Variants in ZNF418 observed in about 807,000 individuals in gnomAD.
ZNF418 encodes zinc finger protein 418.
A neutral mutation model predicts 32.0 loss-of-function variants in ZNF418; 32 were observed. That is an observed-to-expected ratio of 1.00 (90% CI 0.75 to 1.34). The LOEUF (loss-of-function observed/expected upper bound fraction) is 1.34, where lower values mean the gene tolerates loss of function less well. Among genes scored for constraint, ZNF418 ranks in the 40% most tolerant of loss-of-function variants. ZNF418 has a pLI of 0.00. For missense variants in ZNF418, 804 were observed against 812.5 expected (o/e 0.99, Z 0.13); for synonymous variants, 276 against 270.7 (o/e 1.02, Z -0.19).
At position 57,935,384 on chromosome 19, in the gene ZNF418, A is replaced by G. The variant is rs539283349; in HGVS notation, c.-304T>C. 1.2e-4 allele frequency: 29 copies of G among 249,430 alleles called. No homozygotes were observed. In the East Asian group the frequency reaches 3.9e-3, roughly 33 times the overall value. The allele number at this position is 249,430 out of a possible 1,614,324, so 15.5% of individuals were successfully genotyped here. A position where few individuals can be genotyped will look rare whatever the true frequency, so the allele number is the denominator to read the frequency against. On this transcript the variant is annotated 5_prime_UTR_variant, in exon 1 of 6. Coordinates refer to ENST00000396147, the MANE Select transcript of ZNF418 (RefSeq NM_133460.3). ...AACATTAACCAAAATGGTCGCTACC[A>G]GAGAACGCTGAGAATCCCGCCACTA...
At chr19:57,930,261 A>C (rs1451072592) in intron 3 of ZNF418, among the ~76,000 whole-genome samples, 167 bp downstream of exon 3, 1 of 152,156 alleles carries the variant, frequency 6.6e-6, no homozygotes, top group Non-Finnish European at 1.5e-5. Context: ...CAAGGAGAAA[A>C]GGCAGTACAC....
chr19:57,933,993 G>A, intron 1 of ZNF418, 91 bp from the exon 2 acceptor site: 1 of 1,556,792 alleles, frequency 6.4e-7, no homozygotes, highest in East Asian at 2.3e-5. Flanking sequence ...TCATGACCTG[G>A]TACCAACTCT....
chr19:57,929,616 G>C (rs760560205), intron 3 of ZNF418, among the ~76,000 whole-genome samples: 7 of 152,114 alleles, frequency 4.6e-5, no homozygotes, highest in Non-Finnish European at 1.0e-4. Context: ...TGTGCTGGTA[G>C]TTTTCAGCAA....
At chr19:57,934,012 C>T (rs1354241145) in intron 1 of ZNF418, 110 bp from the exon 2 acceptor site, 2 of 1,510,478 alleles carry the variant, frequency 1.3e-6, no homozygotes, top group Non-Finnish European at 1.8e-6. Flanking sequence ...CTGTAGTTAA[C>T]CTTCAAAGTA....
chr19:57,933,299 AC>A (rs1462384437), intron 2 of ZNF418, among the ~76,000 whole-genome samples: 1 of 152,082 alleles, frequency 6.6e-6, no homozygotes, highest in Non-Finnish European at 1.5e-5. Flanking sequence ...CTAGTTACCG[AC>A]CGGGCTTGGT....
At chr19:57,934,114 A>C in intron 1 of ZNF418, 1 of 1,363,390 alleles carries the variant, frequency 7.3e-7, no homozygotes, top group Non-Finnish European at 9.5e-7. Flanking sequence ...CAGTGTTCTC[A>C]GATCAAAGGA....
At chr19:57,923,565 CATAT>C (rs796798738) in intron 4 of ZNF418, among the ~76,000 whole-genome samples, 2 of 123,222 alleles carry the variant, frequency 1.6e-5, no homozygotes, top group African/African-American at 5.7e-5. Context: ...CACACACACA[CATAT>C]ATACACATAT....
rs1398306709 is a variant in ZNF418 at position 57,930,566 on chromosome 19, G to A, written c.7-12C>T. 2 of 1,613,766 alleles carry A rather than the reference G, an allele frequency of 1.2e-6. No homozygotes were observed. Among genetic ancestry groups the A allele is most frequent in the South Asian group, 2.2e-5 (2 of 91,060 alleles). ...AATGCCACAGTGCCCTGCTATGATG[G>A]TGACAGATGAAACCACAAACAGCTC... On this transcript the variant is annotated splice_polypyrimidine_tract_variant and intron_variant, in intron 2 of 5. Coordinates refer to ENST00000396147, the MANE Select transcript of ZNF418 (RefSeq NM_133460.3).
chr19:57,932,706 A>C, intron 2 of ZNF418: 2 of 1,228,750 alleles, frequency 1.6e-6, no homozygotes, highest in East Asian at 3.0e-5. Flanking sequence ...TCAGCTGTCC[A>C]CCCCAGGCCC....
chr19:57,930,546 C>T lies in ZNF418; in HGVS notation c.15G>A (p.Val5=). 1 of 1,614,024 alleles carries T rather than the reference C, an allele frequency of 6.2e-7. No homozygotes were observed. Residue 5 remains valine, a synonymous_variant, in exon 3 of 6, where the codon GTG becomes GTA. Transcript: ENST00000396147. The part of the protein sequence containing the change: MQGT[V]AFEDVAVNFS... ...AGTTCACAGCCACATCTTCAAATGCCACAGTGCCCTGCTATGATGGTGACA... is the reference window on the plus strand; with the variant it reads ...AGTTCACAGCCACATCTTCAAATGCTACAGTGCCCTGCTATGATGGTGACA...
chr19:57,931,655 A>G (rs2072492715), intron 2 of ZNF418, among the ~76,000 whole-genome samples: 1 of 152,206 alleles, frequency 6.6e-6, no homozygotes, highest in Non-Finnish European at 1.5e-5. Context: ...GGAGGGGAGT[A>G]GTGTGATCAT....
intron 2 of ZNF418, chr19:57,932,697 C>T: frequency 7.7e-7 from 1 of 1,291,210 alleles, no homozygotes; most frequent in Non-Finnish European, 1.0e-6. Flanking sequence ...CCCAGCCCAT[C>T]AGCTGTCCAC....
At chr19:57,934,291 C>G (rs1222124938) in intron 1 of ZNF418, 1 of 900,126 alleles carries the variant, frequency 1.1e-6, no homozygotes, top group East Asian at 1.1e-4. Flanking sequence ...AATGGCTCAC[C>G]GCAACCTCTG....
rs1449916517 is a variant in ZNF418, at chr19:57,930,019, G to C, written c.133+409C>G. ...ATTTCTAAGGAGGGTCTTGCCTTTG[G>C]TCTATGTAGGCAGTGACAACGGGAG... On this transcript the variant is annotated intron_variant, in intron 3 of 5. Transcript: ENST00000396147. Among the ~76,000 whole-genome samples, 4 of 152,156 alleles carry C rather than the reference G, an allele frequency of 2.6e-5. No individual in the cohort carries two copies. In the East Asian group the frequency reaches 7.7e-4, roughly 29 times the overall value.
At position 57,927,021 on chromosome 19, in the gene ZNF418, T is replaced by C. The variant is rs2072263708; in HGVS notation, c.1160A>G (p.Glu387Gly). 3 of 1,614,174 alleles carry C rather than the reference T, an allele frequency of 1.9e-6. No homozygotes were observed. In the East Asian group the frequency reaches 6.7e-5, roughly 36 times the overall value. Residue 387 changes from glutamate to glycine, a missense_variant, in exon 4 of 6, where the codon GAA becomes GGA. Around this residue, in one of 3 missense-constraint regions of ZNF418, gnomAD observed 475 missense variants for 458.6 expected, o/e 1.04. Transcript: ENST00000396147. ...TTCTCTAGTGTGAACTCGATGATGT[T>C]CAGTTAGGGTGCCCTTTTGACTAAA... Reference protein sequence around the residue: ...KCFSQKGTLTEHHRVHTRERP... With the variant: ...KCFSQKGTLTGHHRVHTRERP...
rs1350746606 is a variant in ZNF418 at position 57,935,163 on chromosome 19, G to A, written c.-83C>T. 2 of 1,311,518 alleles carry A rather than the reference G, an allele frequency of 1.5e-6. No homozygotes were observed. Among genetic ancestry groups the A allele is most frequent in the Non-Finnish European group, 2.0e-6 (2 of 1,011,380 alleles). 81.2% of individuals were successfully genotyped at this position (1,311,518 alleles called of 1,614,324 possible). A position where few individuals can be genotyped will look rare whatever the true frequency, so the allele number is the denominator to read the frequency against. The stretch of plus-strand genomic sequence containing the variant: ...GAGGGCAGGGAAGGCACAATTACCT[G>A]AGCCGGGAGCCTCAGCGCGGCCGCC... On this transcript the variant is annotated splice_region_variant and 5_prime_UTR_variant, in exon 1 of 6. It introduces an in-frame stop codon into an upstream open reading frame of the 5' UTR. Transcript: ENST00000396147.
chr19:57,932,545 T>C (rs2072527806), intron 2 of ZNF418: 1 of 1,535,138 alleles, frequency 6.5e-7, no homozygotes, highest in South Asian at 1.2e-5. Flanking sequence ...TCCATGGCCC[T>C]ATTCCACTTC....
rs1217847100 is a variant in ZNF418, at chr19:57,927,658, G to A, written c.523C>T (p.Leu175=). The change falls in exon 4 of 6, where the codon CTG becomes TTG. Residue 175 remains leucine, a synonymous_variant. Coordinates refer to ENST00000396147, the MANE Select transcript of ZNF418 (RefSeq NM_133460.3). The part of the protein sequence containing the change: ...GKDFLPSSGL[L]LQEATHTGEK... The stretch of plus-strand genomic sequence containing the variant: ...CCAGTGTGAGTGGCCTCCTGCAGCA[G>A]TAATCCTGAGCTGGGCAAAAAGTCC... 2 of 1,614,108 alleles carry A rather than the reference G, an allele frequency of 1.2e-6. No individual in the cohort carries two copies. Among genetic ancestry groups the A allele is most frequent in the African/African-American group, 1.3e-5 (1 of 75,066 alleles).
chr19:57,933,862 C>T lies in ZNF418; in HGVS notation c.-40G>A, dbSNP rs748332159. On this transcript the variant is annotated 5_prime_UTR_variant, in exon 2 of 6. Coordinates refer to ENST00000396147, the MANE Select transcript of ZNF418 (RefSeq NM_133460.3). ...AAACTCTGATCCTCCTTCCTCCTCC[C>T]TCAAACACAGTGTGTTCTCTTCTTT... The T allele has an allele frequency of 3.1e-6, 5 of 1,614,110 alleles. No homozygotes were observed. The highest frequency in any genetic ancestry group is 4.2e-6 in the Non-Finnish European group (5 of 1,180,030).
Sources: gnomAD v4.1 joint callset for allele counts (sites outside exome capture counted in the v4.1 genomes callset) on GRCh38, gnomAD v4.1.1 for gene constraint, gnomAD v4.1.1 regional missense constraint, MANE v1.5 for transcripts, NCBI Gene and HGNC (gene_info 2026-07-23, HGNC 2026-07-21) for gene names.